Variants in SLC11A2 observed in about 807,000 individuals in gnomAD.
The protein encoded by SLC11A2 is solute carrier family 11 member 2.
A neutral mutation model predicts 68.0 loss-of-function variants in SLC11A2; 38 were observed. The ratio of observed to expected loss-of-function variants is 0.56; its 90% CI spans 0.43 to 0.73. The LOEUF is 0.73. Among genes scored for constraint, SLC11A2 ranks in the 30% least tolerant of loss-of-function variants. The probability of loss-of-function intolerance (pLI) is 0.00; values close to 1 mark genes in which losing one functional copy is unlikely to be tolerated. For missense variants in SLC11A2, 517 were observed against 690.5 expected (o/e 0.75, Z 2.82); for synonymous variants, 242 against 250.6 (o/e 0.97, Z 0.32).
At chr12:50,966,373 T>C in the SLC11A2 span, among the ~76,000 whole-genome samples, 1 of 152,214 alleles carries the variant, frequency 6.6e-6, no homozygotes, top group Non-Finnish European at 1.5e-5. Flanking sequence ...CCTACCTCTG[T>C]GGCAGTTTCT....
intron 1 of SLC11A2, among the ~76,000 whole-genome samples, chr12:51,018,285 T>C (rs369261832): frequency 4.6e-5 from 7 of 151,878 alleles, no homozygotes; most frequent in South Asian, 2.1e-4. Context: ...ATCCCAGCTA[T>C]TGGGAGGCTG....
At chr12:50,983,356 A>C (rs1337140804), downstream of SLC11A2, among the ~76,000 whole-genome samples, 1 of 152,212 alleles carries the variant, frequency 6.6e-6, no homozygotes, top group Non-Finnish European at 1.5e-5. Context: ...AACAGCCTCT[A>C]AGTTAATGCA....
At chr12:51,013,437 C>A (rs1342582299) in intron 1 of SLC11A2, among the ~76,000 whole-genome samples, 1 of 151,306 alleles carries the variant, frequency 6.6e-6, no homozygotes, top group African/African-American at 2.4e-5. Flanking sequence ...ATTACAGGCG[C>A]CCACCACCGA....
Position 50,987,168 on chromosome 12 carries a change from T to C in SLC11A2, c.*1157A>G. 2 of 1,283,840 alleles carry C rather than the reference T, an allele frequency of 1.6e-6. No individual in the cohort carries two copies. Among genetic ancestry groups the C allele is most frequent in the Non-Finnish European group, 2.0e-6 (2 of 986,554 alleles). The allele number at this position is 1,283,840 out of a possible 1,614,324, so 79.5% of individuals were successfully genotyped here. A position where few individuals can be genotyped will look rare whatever the true frequency, so the allele number is the denominator to read the frequency against. On this transcript the variant is annotated 3_prime_UTR_variant, in exon 16 of 16. Coordinates refer to ENST00000262052, the MANE Select transcript of SLC11A2 (RefSeq NM_000617.3). ...AGCTCCACCATCTGGTCTCAAGATT[T>C]TTCCCTCTGAGGAAACAGCTGTAGA...
At chr12:51,000,290 C>A (rs547801510) in intron 6 of SLC11A2, 23 bp downstream of exon 6, 1 of 1,529,542 alleles carries the variant, frequency 6.5e-7, no homozygotes, top group East Asian at 2.2e-5. Context: ...ACACTGATGA[C>A]TTTCTAGAGG....
chr12:51,005,421 A>C lies in SLC11A2; in HGVS notation c.199T>G (p.Phe67Val). 1 of 1,613,958 alleles carries C rather than the reference A, an allele frequency of 6.2e-7. No homozygotes were observed. The highest frequency in any genetic ancestry group is 8.5e-7 in the Non-Finnish European group (1 of 1,179,880). Residue 67 changes from phenylalanine (F) to valine (V), a missense_variant, in exon 4 of 16, where the codon TTT becomes GTT. Phe to Val is a conservative substitution (Grantham distance 50). Coordinates refer to ENST00000262052, the MANE Select transcript of SLC11A2 (RefSeq NM_000617.3). Reference protein sequence around the residue: ...IPEEEYSCFSFRKLWAFTGPG... With the variant: ...IPEEEYSCFSVRKLWAFTGPG... ...CCGGTGAAAGCCCAGAGTTTACGAA[A>C]GCTAAAACAAGAGTACTGTACAAGA...
At chr12:50,979,627 A>G (rs2136116515), downstream of SLC11A2, 1 of 333,028 alleles carries the variant, frequency 3.0e-6, no homozygotes. Flanking sequence ...CAGTTTTAAG[A>G]TCAGAAGGAC....
chr12:50,986,492 A>C lies in SLC11A2; in HGVS notation c.*1833T>G. 1 of 1,286,738 alleles carries C rather than the reference A, an allele frequency of 7.8e-7. No individual in the cohort carries two copies. The highest frequency in any genetic ancestry group is 1.2e-5 in the South Asian group (1 of 80,894). The allele number at this position is 1,286,738 out of a possible 1,614,324, so 79.7% of individuals were successfully genotyped here. ...CTAGCAGCTTTTACCTAGGCTCCTA[A>C]ATGCTTGTAAATCTGAGACTGACTG... On this transcript the variant is annotated 3_prime_UTR_variant, in exon 16 of 16. Coordinates refer to ENST00000262052, the MANE Select transcript of SLC11A2 (RefSeq NM_000617.3).
At chr12:50,972,237 A>G in the SLC11A2 span, among the ~76,000 whole-genome samples, 1 of 152,254 alleles carries the variant, frequency 6.6e-6, no homozygotes, top group Non-Finnish European at 1.5e-5. Flanking sequence ...AAATAGATTA[A>G]GAGTTTAATT....
chr12:50,965,091 C>T, the SLC11A2 span, among the ~76,000 whole-genome samples: 12 of 152,020 alleles, frequency 7.9e-5, no homozygotes, highest in Admixed American at 5.9e-4. Flanking sequence ...TAGGGTAATG[C>T]TTTTGTTTTA....
the SLC11A2 span, among the ~76,000 whole-genome samples, chr12:50,962,740 A>G: frequency 2.0e-5 from 3 of 152,092 alleles, no homozygotes; most frequent in Non-Finnish European, 4.4e-5. Flanking sequence ...GCACAAACAC[A>G]AGGGAGTGGT....
chr12:50,988,653 T>C (rs902605446), intron 15 of SLC11A2, among the ~76,000 whole-genome samples: 6 of 152,330 alleles, frequency 3.9e-5, no homozygotes, highest in Admixed American at 2.6e-4. Flanking sequence ...ATTTTAAATA[T>C]TGAATTTCTC....
intron 5 of SLC11A2, among the ~76,000 whole-genome samples, chr12:51,001,164 C>CAAAA (rs34496378): frequency 9.6e-6 from 1 of 103,846 alleles, no homozygotes. Flanking sequence ...GACTCCATCT[C>CAAAA]AAAAAAAAAA....
chr12:51,016,024 C>G (rs1346293562), intron 1 of SLC11A2, among the ~76,000 whole-genome samples: 4 of 151,658 alleles, frequency 2.6e-5, no homozygotes, highest in Admixed American at 6.6e-5. Context: ...ACCTTGTGAT[C>G]TGCCCACCTC....
At chr12:50,971,118 G>A in the SLC11A2 span, among the ~76,000 whole-genome samples, 1 of 152,120 alleles carries the variant, frequency 6.6e-6, no homozygotes, top group Admixed American at 6.5e-5. Context: ...GACCTCAGGT[G>A]ATTCACCCAC....
At chr12:50,952,811 A>C in the SLC11A2 span, among the ~76,000 whole-genome samples, 1 of 152,132 alleles carries the variant, frequency 6.6e-6, no homozygotes, top group Non-Finnish European at 1.5e-5. Context: ...GATGGCAAGA[A>C]TCCTGGCCTC....
chr12:51,025,137 C>T (rs1944293896), intron 1 of SLC11A2, among the ~76,000 whole-genome samples: 1 of 152,020 alleles, frequency 6.6e-6, no homozygotes, highest in African/African-American at 2.4e-5. Context: ...TACACTATAC[C>T]CTCAGATCAA....
At chr12:50,982,036 T>C (rs829021), downstream of SLC11A2, among the ~76,000 whole-genome samples, 138,252 of 152,214 alleles carry the variant, frequency 0.91, 63,086 homozygotes, top group East Asian at 0.98. Context: ...CAAATGTCCT[T>C]AGCAAAATTA....
At position 50,992,357 on chromosome 12, in the gene SLC11A2, A is replaced by G. The variant is rs765041187; in HGVS notation, c.1198-18T>C. The G allele has an allele frequency of 1.9e-6, 3 of 1,613,350 alleles. No homozygotes were observed. The highest frequency in any genetic ancestry group is 1.7e-4 in the Middle Eastern group (1 of 5,742). On this transcript the variant is annotated intron_variant, in intron 12 of 15. Coordinates refer to ENST00000262052, the MANE Select transcript of SLC11A2 (RefSeq NM_000617.3). Reference sequence around the variant, plus strand: ...AGGAATCCCTGGAAGAAAACATAGGAGCAGATGACTGTCTGCAACAGGAAA... The same window carrying G: ...AGGAATCCCTGGAAGAAAACATAGGGGCAGATGACTGTCTGCAACAGGAAA...
Sources: gnomAD v4.1 joint callset for allele counts (sites outside exome capture counted in the v4.1 genomes callset) on GRCh38, gnomAD v4.1.1 for gene constraint, MANE v1.5 for transcripts, NCBI Gene and HGNC (gene_info 2026-07-23, HGNC 2026-07-21) for gene names.